RP1L1: variants seen among roughly 807,000 people sequenced by gnomAD.
The protein encoded by RP1L1 is retinitis pigmentosa 1-like 1 protein.
A neutral mutation model predicts 15.7 loss-of-function variants in RP1L1; 27 were observed. The ratio of observed to expected loss-of-function variants is 1.72; its 90% confidence interval spans 1.27 to 2.38. The LOEUF (loss-of-function observed/expected upper bound fraction) is 2.38. Ranked by LOEUF, RP1L1 falls within the 30% of genes most tolerant of loss-of-function variation. RP1L1 has a pLI of 0.00. For synonymous variants in RP1L1, 1,813 were observed against 1,276.7 expected (o/e 1.42, Z -8.96); for missense variants, 4,798 against 3,075.9 (o/e 1.56, Z -13.24).
intron 1 of RP1L1, among the ~76,000 whole-genome samples, chr8:10,632,975 C>A (rs1187200066): frequency 1.3e-5 from 2 of 152,214 alleles, no homozygotes; most frequent in African/African-American, 4.8e-5. Context: ...TCACTCACTG[C>A]TGGGGGCAGA....
At chr8:10,636,728 C>G (rs1308209785) in intron 1 of RP1L1, among the ~76,000 whole-genome samples, 2 of 152,220 alleles carry the variant, frequency 1.3e-5, no homozygotes, top group African/African-American at 4.8e-5. Context: ...AGCGGTCAAG[C>G]AATCAGACAT....
Position 10,610,429 on chromosome 8 carries a change from C to A in RP1L1, c.3669G>T (p.Leu1223=). 1 of 1,613,886 alleles carries A rather than the reference C, an allele frequency of 6.2e-7. No individual in the cohort carries two copies. The highest frequency in any genetic ancestry group is 8.5e-7 in the Non-Finnish European group (1 of 1,180,026). The change falls in exon 4 of 4, where the codon CTG becomes CTT. Residue 1223 remains leucine, a synonymous_variant. Coordinates refer to ENST00000382483, the MANE Select transcript of RP1L1 (RefSeq NM_178857.6). The part of the protein sequence containing the change: ...SSVPCAMDGT[L]VTQGTELPLK... ...GGGGCAGCTCTGTCCCCTGTGTCAC[C>A]AGGGTGCCGTCCATGGCACAGGGTA...
chr8:10,622,877 G>GA lies in RP1L1; in HGVS notation c.324_325insT (p.Pro109SerfsTer29), dbSNP rs138816053. 1,170 of 1,613,350 alleles carry GA rather than the reference G, an allele frequency of 7.3e-4. 17 individuals carry two copies. In the East Asian group the frequency reaches 0.024, roughly 33 times the overall value. ...CCTGGTCCACTGGGGGTCTTGGGGG[G>GA]CTTCTTATCAGAGCAGAGGTAGCAG... is the stretch of plus-strand genomic sequence containing the variant. On this transcript the variant is annotated frameshift_variant, in exon 2 of 4. Transcript: ENST00000382483. LOFTEE classifies it high-confidence loss of function.
Position 10,611,616 on chromosome 8 carries a change from G to T in RP1L1, c.2482C>A (p.Gln828Lys). 6.2e-7 allele frequency: 1 copy of T among 1,612,804 alleles called. No individual in the cohort carries two copies. The highest frequency in any genetic ancestry group is 8.5e-7 in the Non-Finnish European group (1 of 1,179,784). ...TCTTGGGCCGGCTGCGTCCCAGGCT[G>T]TGAGCAGCAGTGGCTTCGGTGGGGG... ...VGPHRSHCCS[Q>K]PGTQPAQEAQ... The change falls in exon 4 of 4, where the codon CAG (glutamine) becomes AAG (lysine). Residue 828 changes from glutamine to lysine, a missense_variant. Coordinates refer to ENST00000382483, the MANE Select transcript of RP1L1 (RefSeq NM_178857.6).
chr8:10,607,230 G>C lies in RP1L1; in HGVS notation c.6868C>G (p.Gln2290Glu), dbSNP rs1382850296. Residue 2290 changes from glutamine to glutamate, a missense_variant, in exon 4 of 4, where the codon CAA becomes GAA. Transcript: ENST00000382483. ...GGGCCTGTTTGGGAGCCTGGCCTTTGGTGGGGAGTGTCTCCACCTGGGGAA... is the reference window on the plus strand; with the variant it reads ...GGGCCTGTTTGGGAGCCTGGCCTTTCGTGGGGAGTGTCTCCACCTGGGGAA... ...PPSPGGDTPH[Q>E]RPGSQTGPSS... The C allele has an allele frequency of 1.9e-6, 3 of 1,614,050 alleles. No homozygotes were observed. Among genetic ancestry groups the C allele is most frequent in the Non-Finnish European group, 1.7e-6 (2 of 1,179,990 alleles).
At chr8:10,622,500 C>G in intron 2 of RP1L1, 93 bp downstream of exon 2, 2 of 1,569,688 alleles carry the variant, frequency 1.3e-6, no homozygotes, top group Non-Finnish European at 1.8e-6. Flanking sequence ...TCAAATGCCT[C>G]TTTTTAAGGA....
chr8:10,651,522 A>T (rs965623365), intron 1 of RP1L1, among the ~76,000 whole-genome samples: 3 of 152,124 alleles, frequency 2.0e-5, no homozygotes, highest in Non-Finnish European at 4.4e-5. Context: ...GGTTCAAGAG[A>T]TTGAGACCAT....
Position 10,609,985 on chromosome 8 carries a change from C to T in RP1L1, c.4113G>A (p.Gly1371=), listed in dbSNP as rs146799763. ...CTTCTTTAACTTCCTCTAACTGCAC[C>T]CCCTCTTCTTGCAGCCCTTCTCCTC... is the stretch of plus-strand genomic sequence containing the variant. ...ETGGEGLQEE[G]VQLEEVKEGP... Residue 1371 remains glycine, a synonymous_variant, in exon 4 of 4, where the codon GGG becomes GGA. Coordinates refer to ENST00000382483, the MANE Select transcript of RP1L1 (RefSeq NM_178857.6). 6.2e-7 allele frequency: 1 copy of T among 1,613,774 alleles called. No individual in the cohort carries two copies. The highest frequency in any genetic ancestry group is 1.7e-5 in the Admixed American group (1 of 59,994).
intron 3 of RP1L1, among the ~76,000 whole-genome samples, chr8:10,614,661 C>CAAAA (rs772003815): frequency 5.3e-5 from 4 of 75,590 alleles, no homozygotes; most frequent in Admixed American, 1.5e-4. Flanking sequence ...ATTCTGTCGT[C>CAAAA]AAAAAAAAAA....
Position 10,607,123 on chromosome 8 carries a change from G to A in RP1L1, c.6975C>T (p.Ser2325=). 6.2e-7 allele frequency: 1 copy of A among 1,614,244 alleles called. No homozygotes were observed. The highest frequency in any genetic ancestry group is 8.5e-7 in the Non-Finnish European group (1 of 1,180,042). Residue 2325 remains serine, a synonymous_variant, in exon 4 of 4, where the codon AGC becomes AGT. Coordinates refer to ENST00000382483, the MANE Select transcript of RP1L1 (RefSeq NM_178857.6). The stretch of plus-strand genomic sequence containing the variant: ...GGGTCCCCGTGGACTTGGCATCAGG[G>A]CTCCTTGTGTCTCCAAGTACATGGT... ...ENDHVLGDTR[S]PDAKSTGTPH...
rs1182708149 is a variant in RP1L1 at position 10,608,824 on chromosome 8, G to C, written c.5274C>G (p.Pro1758=). 15 of 1,614,024 alleles carry C rather than the reference G, an allele frequency of 9.3e-6. No homozygotes were observed. The highest frequency in any genetic ancestry group is 1.2e-5 in the Non-Finnish European group (14 of 1,180,038). The change falls in exon 4 of 4, where the codon CCC becomes CCG. Residue 1758 remains proline, a synonymous_variant. Transcript: ENST00000382483. ...CATCTCCCTCTGCCTCCCCGAGTTT[G>C]GGATCTTTGTCTCTGTTGAGTCTCT... is the stretch of plus-strand genomic sequence containing the variant. ...GSQRLNRDKD[P]KLGEAEGDAM... is the part of the protein sequence containing the mutation.
intron 1 of RP1L1, among the ~76,000 whole-genome samples, chr8:10,643,211 G>A (rs938177882): frequency 6.6e-6 from 1 of 152,152 alleles, no homozygotes; most frequent in Non-Finnish European, 1.5e-5. Flanking sequence ...GTGGTGGCAT[G>A]TACCTGTAGT....
In RP1L1 at chr8:10,622,743, C is replaced by G; in HGVS notation, c.459G>C (p.Arg153Ser). ...SSRKSLKTPRRILLIKNMDPR... is the reference protein window; with the variant it reads ...SSRKSLKTPRSILLIKNMDPR... ...GGTCCATGTTCTTAATCAGCAGTAT[C>G]CTCCGGGGGGTTTTAAGACTCTTCC... The change falls in exon 2 of 4, where the codon AGG becomes AGC. Residue 153 changes from arginine to serine, a missense_variant. Coordinates refer to ENST00000382483, the MANE Select transcript of RP1L1 (RefSeq NM_178857.6). 1 of 1,614,110 alleles carries G rather than the reference C, an allele frequency of 6.2e-7. No individual in the cohort carries two copies. The highest frequency in any genetic ancestry group is 1.3e-5 in the African/African-American group (1 of 75,026).
At chr8:10,635,628 G>T (rs545677856) in intron 1 of RP1L1, among the ~76,000 whole-genome samples, 9 of 152,230 alleles carry the variant, frequency 5.9e-5, no homozygotes, top group Non-Finnish European at 1.2e-4. Flanking sequence ...TCTACACAGT[G>T]CCCAGAGCCT....
At chr8:10,647,457 G>A (rs1027864604) in intron 1 of RP1L1, among the ~76,000 whole-genome samples, 2 of 152,054 alleles carry the variant, frequency 1.3e-5, no homozygotes, top group African/African-American at 4.8e-5. Flanking sequence ...TATCATCCTG[G>A]GTTGAAGCCC....
chr8:10,613,242 C>T lies in RP1L1; in HGVS notation c.856G>A (p.Gly286Ser), dbSNP rs750303039. 1.6e-5 allele frequency: 26 copies of T among 1,612,406 alleles called. No homozygotes were observed. The Admixed American group carries it at 4.3e-4, about 27-fold the overall frequency. Residue 286 changes from glycine to serine, a missense_variant, in exon 4 of 4, where the codon GGC (glycine) becomes AGC (serine). Transcript: ENST00000382483. ...ERPGPSNPPVGPAPGRHPQDT... is the reference protein window; with the variant it reads ...ERPGPSNPPVSPAPGRHPQDT... ...TGAGGGTGCCTGCCAGGAGCAGGGC[C>T]CACCGGGGGGTTGCTAGGACCAGGC...
Position 10,613,272 on chromosome 8 carries a change from C to T in RP1L1, c.826G>A (p.Glu276Lys). The part of the protein sequence containing the change: ...SPPGSTPRLP[E>K]RPGPSNPPVG... ...GGGGGGTTGCTAGGACCAGGCCTTT[C>T]TGGCAGCCGTGGCGTGCTGCCTGGC... Residue 276 changes from glutamate (E) to lysine (K), a missense_variant, in exon 4 of 4, where the codon GAA (glutamate) becomes AAA (lysine). Coordinates refer to ENST00000382483, the MANE Select transcript of RP1L1 (RefSeq NM_178857.6). 1 of 1,609,040 alleles carries T rather than the reference C, an allele frequency of 6.2e-7. No individual in the cohort carries two copies. The highest frequency in any genetic ancestry group is 8.5e-7 in the Non-Finnish European group (1 of 1,180,006).
intron 2 of RP1L1, among the ~76,000 whole-genome samples, chr8:10,617,202 C>A (rs991869399): frequency 4.6e-5 from 7 of 152,058 alleles, no homozygotes; most frequent in African/African-American, 1.7e-4. Context: ...GGGCTCAGGG[C>A]AGGCCATGTC....
At chr8:10,642,415 C>G (rs968668350) in intron 1 of RP1L1, among the ~76,000 whole-genome samples, 2 of 152,176 alleles carry the variant, frequency 1.3e-5, no homozygotes, top group African/African-American at 2.4e-5. Flanking sequence ...GTTGCTAAAA[C>G]CCTTCCCCCC....
Sources: allele counts gnomAD v4.1 joint callset (sites outside exome capture counted in the v4.1 genomes callset), GRCh38; gene constraint gnomAD v4.1.1; transcripts MANE v1.5; gene names NCBI Gene and HGNC (gene_info 2026-07-23, HGNC 2026-07-21).